The following C4orf50 variants were observed in gnomAD, a reference collection of about 807,000 sequenced individuals.
C4orf50 encodes uncharacterized protein C4orf50.
C4orf50 carries 80 observed loss-of-function variants against 77.2 expected under a neutral mutation model. The observed-to-expected ratio is 1.04, with a 90% CI of 0.87 to 1.25. C4orf50 has a LOEUF of 1.25. Among genes scored for constraint, C4orf50 ranks in the 50% most tolerant of loss-of-function variants. C4orf50 has a pLI of 0.00. For missense variants in C4orf50, 1,257 were observed against 1,152.9 expected (o/e 1.09, Z -1.31); for synonymous variants, 532 against 465.3 (o/e 1.14, Z -1.84).
chr4:5,925,471 C>G (rs1717475245), intron 7 of C4orf50, among the ~76,000 whole-genome samples: 1 of 152,220 alleles, frequency 6.6e-6, no homozygotes, highest in Non-Finnish European at 1.5e-5. Flanking sequence ...GGCCTCAGGA[C>G]CGATGGTCAC....
chr4:5,901,147 C>A lies in C4orf50; in HGVS notation c.*2475-2959G>T, dbSNP rs1378420597. On this transcript the variant is annotated intron_variant, in intron 7 of 7. Transcript: ENST00000324058. The surrounding 1 kb of genome is among the most constrained non-coding windows in gnomAD (Gnocchi z 4.4). ...ATAATCTATGAATGTGCAGTACAAC[C>A]ATCTGACAAGTATTTCTTCTCTGCC... 5 of 152,324 alleles carry A rather than the reference C, an allele frequency of 3.3e-5. No individual in the cohort carries two copies. The highest frequency in any genetic ancestry group is 6.5e-5 in the Admixed American group (1 of 15,302). The allele number at this position is 152,324 out of a possible 1,614,324, so 9.4% of individuals were successfully genotyped here.
At chr4:5,969,229 T>G (rs1013999245) in intron 31 of C4orf50, among the ~76,000 whole-genome samples, 2 of 152,016 alleles carry the variant, frequency 1.3e-5, no homozygotes, top group African/African-American at 4.8e-5. Context: ...TAGGGGAATA[T>G]TCTAAGTTTC....
At chr4:5,928,408 T>C (rs892111784) in intron 7 of C4orf50, among the ~76,000 whole-genome samples, 1 of 151,578 alleles carries the variant, frequency 6.6e-6, no homozygotes, top group African/African-American at 2.4e-5. Context: ...ACCCTGAAGA[T>C]ACCTCGGACA....
downstream of C4orf50, among the ~76,000 whole-genome samples, chr4:5,952,861 G>A (rs1041227749): frequency 2.0e-5 from 3 of 152,110 alleles, no homozygotes; most frequent in Non-Finnish European, 2.9e-5. This position sits in a 1 kb window ranked among gnomAD's most constrained non-coding sequence, Gnocchi z 4.4. Context: ...TTTTGGCACC[G>A]GCTGTGTGCA....
chr4:5,982,883 T>G (rs1720668843), intron 28 of C4orf50, among the ~76,000 whole-genome samples: 2 of 151,892 alleles, frequency 1.3e-5, no homozygotes, highest in Non-Finnish European at 2.9e-5. Context: ...AGGTGAAGAA[T>G]GAGGGCAGAG....
chr4:5,950,422 T>C (rs1718667029), intron 7 of C4orf50, among the ~76,000 whole-genome samples: 1 of 152,344 alleles, frequency 6.6e-6, no homozygotes, highest in East Asian at 1.9e-4. Context: ...AGATTGTTCT[T>C]GAATTGGTCA....
At chr4:6,005,404 C>A (rs1211370754) in intron 25 of C4orf50, among the ~76,000 whole-genome samples, 1 of 150,918 alleles carries the variant, frequency 6.6e-6, no homozygotes, top group Non-Finnish European at 1.5e-5. Flanking sequence ...AGCATGAAAC[C>A]TTGAGAAGGT....
chr4:5,905,980 A>T lies in C4orf50; in HGVS notation c.*2475-7792T>A, dbSNP rs73795110. ...CTCCTCACGTTACAGAGGGTGACAT[A>T]GGAATCATCAAACAAATGCAAGTCC... On this transcript the variant is annotated intron_variant, in intron 7 of 7. Coordinates refer to the C4orf50 transcript ENST00000324058. The surrounding 1 kb of genome is among the most constrained non-coding windows in gnomAD (Gnocchi z 5.4). Among the ~76,000 whole-genome samples, 435 of 152,244 alleles carry T rather than the reference A, an allele frequency of 2.9e-3. 4 individuals are homozygous for T. Among genetic ancestry groups the T allele is most frequent in the African/African-American group, 9.9e-3 (411 of 41,538 alleles).
At chr4:5,938,197 T>TA (rs938117552) in intron 7 of C4orf50, among the ~76,000 whole-genome samples, 3 of 151,942 alleles carry the variant, frequency 2.0e-5, no homozygotes, top group African/African-American at 7.2e-5. Context: ...CCTTGACAAG[T>TA]AAAAAAAATG....
chr4:5,975,378 C>T (rs1048718683), intron 30 of C4orf50, among the ~76,000 whole-genome samples: 5 of 152,082 alleles, frequency 3.3e-5, no homozygotes, highest in African/African-American at 7.2e-5. Flanking sequence ...AGGAGGCAAA[C>T]GTATACGCAT....
chr4:5,960,870 A>G (rs745874033), intron 33 of C4orf50, among the ~76,000 whole-genome samples: 1 of 152,198 alleles, frequency 6.6e-6, no homozygotes, highest in Non-Finnish European at 1.5e-5. Context: ...TAATAATGAT[A>G]GTCGGCCTGG....
intron 31 of C4orf50, among the ~76,000 whole-genome samples, chr4:5,969,741 G>A (rs1013748343): frequency 2.0e-5 from 3 of 152,164 alleles, no homozygotes; most frequent in African/African-American, 4.8e-5. Flanking sequence ...TAAGATAACA[G>A]GTGGCTTAGG....
chr4:5,945,406 T>A (rs978745332), intron 7 of C4orf50, among the ~76,000 whole-genome samples: 2 of 152,180 alleles, frequency 1.3e-5, no homozygotes, highest in Non-Finnish European at 2.9e-5. Flanking sequence ...CTGTGTCTTA[T>A]CCTGCATTTA....
chr4:5,945,424 CG>C (rs1222968998), intron 7 of C4orf50, among the ~76,000 whole-genome samples: 1 of 152,198 alleles, frequency 6.6e-6, no homozygotes, highest in Non-Finnish European at 1.5e-5. Context: ...TTAAGTAGCC[CG>C]GCCAGAGTGC....
chr4:5,991,594 G>A (rs780319259), intron 27 of C4orf50, among the ~76,000 whole-genome samples: 2 of 152,196 alleles, frequency 1.3e-5, no homozygotes, highest in African/African-American at 2.4e-5. Flanking sequence ...GAGGCCTGAG[G>A]ATGAAATTTG....
chr4:5,897,714 T>G (rs904347962), exon 8 of C4orf50: 2 of 152,220 alleles, frequency 1.3e-5, no homozygotes, highest in African/African-American at 4.8e-5. Context: ...CCGGCCTATT[T>G]TACACAAATG....
chr4:5,913,989 A>T (rs1039605818), intron 7 of C4orf50, among the ~76,000 whole-genome samples: 3 of 152,204 alleles, frequency 2.0e-5, no homozygotes, highest in African/African-American at 7.2e-5. Context: ...CAAATGTTCA[A>T]TAACAAGGGT....
Position 5,957,908 on chromosome 4 carries a change from G to T in C4orf50, c.*1467C>A, listed in dbSNP as rs577691755. 2.6e-5 allele frequency: 4 copies of T among 152,290 alleles called. No homozygotes were observed. The East Asian group carries it at 5.8e-4, about 22-fold the overall frequency. The allele number at this position is 152,290 out of a possible 1,614,324, so 9.4% of individuals were successfully genotyped here. ...ACATGAGATGTTAACATCAAGGGAAGCCCGGGGAAGAGTCTACGGGAACTC... is the reference window on the plus strand; with the variant it reads ...ACATGAGATGTTAACATCAAGGGAATCCCGGGGAAGAGTCTACGGGAACTC... On this transcript the variant is annotated 3_prime_UTR_variant, in exon 34 of 34. Transcript: ENST00000531445.
At chr4:6,003,610 T>A (rs1721942870) in intron 25 of C4orf50, among the ~76,000 whole-genome samples, 2 of 64,334 alleles carry the variant, frequency 3.1e-5, no homozygotes, top group Admixed American at 4.7e-4. Context: ...GTGATGGTGA[T>A]GATGGTGATG....
Sources: gnomAD v4.1 joint callset for allele counts (sites outside exome capture counted in the v4.1 genomes callset) on GRCh38, gnomAD v4.1.1 for gene constraint, Gnocchi (gnomAD v3.1) non-coding constraint, MANE v1.5 for transcripts, NCBI Gene and HGNC (gene_info 2026-07-23, HGNC 2026-07-21) for gene names.